Variants in EXT1 observed in about 807,000 individuals in gnomAD.
The protein encoded by EXT1 is exostosin-1.
Under a neutral mutation model 82.5 loss-of-function variants are expected in EXT1, and 20 were observed. The observed-to-expected ratio is 0.24, with a 90% CI of 0.17 to 0.35. The LOEUF is 0.35. Among genes scored for constraint, EXT1 ranks in the 10% least tolerant of loss-of-function variants. EXT1 has a pLI of 1.00. For synonymous variants in EXT1, 348 were observed against 350.8 expected (o/e 0.99, Z 0.09); for missense variants, 757 against 936.5 (o/e 0.81, Z 2.50).
intron 1 of EXT1, among the ~76,000 whole-genome samples, chr8:117,845,308 C>A (rs900739326): frequency 3.9e-5 from 6 of 152,142 alleles, no homozygotes; most frequent in African/African-American, 1.4e-4. Flanking sequence ...TCCTTGGACT[C>A]AAACATCTTG....
chr8:117,919,970 C>T (rs1374887422), intron 1 of EXT1, among the ~76,000 whole-genome samples: 3 of 151,906 alleles, frequency 2.0e-5, no homozygotes, highest in African/African-American at 4.8e-5. Flanking sequence ...TTCTTTTTCT[C>T]GGGTTTAACT....
intron 1 of EXT1, among the ~76,000 whole-genome samples, chr8:117,839,291 G>C (rs1420750115): frequency 6.6e-6 from 1 of 152,052 alleles, no homozygotes; most frequent in African/African-American, 2.4e-5. Context: ...TGAACTACTT[G>C]GGCTAGATGA....
chr8:118,073,315 A>G (rs370439069), intron 1 of EXT1, among the ~76,000 whole-genome samples: 2 of 152,214 alleles, frequency 1.3e-5, no homozygotes, highest in South Asian at 2.1e-4. Flanking sequence ...TGTGGACGGC[A>G]TTCATCAGAA....
At chr8:117,887,572 G>A (rs182205433) in intron 1 of EXT1, among the ~76,000 whole-genome samples, 8 of 151,946 alleles carry the variant, frequency 5.3e-5, no homozygotes, top group African/African-American at 1.7e-4. Context: ...GGATGGTCTC[G>A]ATCTCTTGAC....
At chr8:117,933,824 T>G (rs975704478) in intron 1 of EXT1, among the ~76,000 whole-genome samples, 5 of 152,152 alleles carry the variant, frequency 3.3e-5, no homozygotes, top group African/African-American at 1.2e-4. Context: ...ATGCTTCACA[T>G]CACATTGCTC....
intron 1 of EXT1, among the ~76,000 whole-genome samples, chr8:118,060,458 G>C (rs1007456801): frequency 6.6e-6 from 1 of 152,128 alleles, no homozygotes; most frequent in Non-Finnish European, 1.5e-5. Context: ...AACCATCTCA[G>C]TTACCACTCT....
At chr8:117,873,842 G>C (rs1210870071) in intron 1 of EXT1, among the ~76,000 whole-genome samples, 2 of 152,172 alleles carry the variant, frequency 1.3e-5, no homozygotes, top group Non-Finnish European at 2.9e-5. Flanking sequence ...TATAAAAAAT[G>C]AGTTTATCAA....
At chr8:117,825,670 A>C (rs951257887) in intron 4 of EXT1, among the ~76,000 whole-genome samples, 1 of 152,214 alleles carries the variant, frequency 6.6e-6, no homozygotes, top group Non-Finnish European at 1.5e-5. Context: ...GTAGCCCTTC[A>C]TCTTTTAACC....
At position 118,020,404 on chromosome 8, in the gene EXT1, T is replaced by A. The variant is rs1460085481; in HGVS notation, c.962+89681A>T. ...GTGGTTGCACTACATTACGATCTTG[T>A]CCTATTATGTAAAATCATAACTATT... On this transcript the variant is annotated intron_variant, in intron 1 of 10. Transcript: ENST00000378204. Among the ~76,000 whole-genome samples, 4 of 152,218 alleles carry A rather than the reference T, an allele frequency of 2.6e-5. No homozygotes were observed. The South Asian group carries it at 8.3e-4, about 31-fold the overall frequency.
intron 1 of EXT1, among the ~76,000 whole-genome samples, chr8:117,910,950 G>A (rs922403984): frequency 1.3e-5 from 2 of 152,222 alleles, no homozygotes; most frequent in Admixed American, 1.3e-4. Flanking sequence ...TAGATGTCAG[G>A]CTGCAGAGAT....
At chr8:117,930,093 GA>G (rs1814023270) in intron 1 of EXT1, among the ~76,000 whole-genome samples, 1 of 149,206 alleles carries the variant, frequency 6.7e-6, no homozygotes, top group African/African-American at 2.5e-5. Flanking sequence ...AACAGAGAGA[GA>G]CTCCATCTCA....
At chr8:118,100,380 G>A in intron 1 of EXT1, among the ~76,000 whole-genome samples, 1 of 152,110 alleles carries the variant, frequency 6.6e-6, no homozygotes, top group Admixed American at 6.5e-5. Context: ...ACCGGCCGAG[G>A]GAGGCTTCCC....
intron 1 of EXT1, among the ~76,000 whole-genome samples, chr8:117,987,785 TG>T (rs751791197): frequency 6.6e-6 from 1 of 152,072 alleles, no homozygotes; most frequent in Non-Finnish European, 1.5e-5. Flanking sequence ...GCTGGGGATG[TG>T]GGTTTAAATA....
At chr8:117,837,514 AAAATATGTTGCCCCATAGTCTT>A (rs1471670470) in intron 1 of EXT1, among the ~76,000 whole-genome samples, 1 of 152,234 alleles carries the variant, frequency 6.6e-6, no homozygotes, top group Admixed American at 6.5e-5. Flanking sequence ...AAGTCTTGAT[AAAATATGTTGCCCCATAGTCTT>A]AAAAAGAAGA....
intron 1 of EXT1, among the ~76,000 whole-genome samples, chr8:117,894,623 C>T (rs964724306): frequency 6.6e-6 from 1 of 152,136 alleles, no homozygotes; most frequent in Non-Finnish European, 1.5e-5. Context: ...AGATACGTCC[C>T]TTTGGGGACT....
At chr8:117,987,614 G>A (rs1815347631) in intron 1 of EXT1, among the ~76,000 whole-genome samples, 1 of 152,170 alleles carries the variant, frequency 6.6e-6, no homozygotes, top group African/African-American at 2.4e-5. Flanking sequence ...CAAATCTTAG[G>A]CTCTGATGTA....
At chr8:117,913,939 T>C (rs933396099) in intron 1 of EXT1, among the ~76,000 whole-genome samples, 3 of 152,204 alleles carry the variant, frequency 2.0e-5, no homozygotes, top group Non-Finnish European at 4.4e-5. Context: ...GTGGGCAGGC[T>C]TTAGCTCTAA....
chr8:118,057,956 G>C (rs1473639434), intron 1 of EXT1, among the ~76,000 whole-genome samples: 2 of 136,208 alleles, frequency 1.5e-5, no homozygotes, highest in Admixed American at 7.8e-5. Context: ...TGGCAACAGA[G>C]TTAGACCCCA....
chr8:117,800,923 T>G (rs1459539289), intron 10 of EXT1, among the ~76,000 whole-genome samples: 6 of 152,234 alleles, frequency 3.9e-5, no homozygotes, highest in Non-Finnish European at 4.4e-5. Context: ...CCTGTTTTTA[T>G]GAAACATGGA....
Sources: gnomAD v4.1 joint callset for allele counts (sites outside exome capture counted in the v4.1 genomes callset) on GRCh38, gnomAD v4.1.1 for gene constraint, MANE v1.5 for transcripts, NCBI Gene and HGNC (gene_info 2026-07-23, HGNC 2026-07-21) for gene names.